The following C21orf91 variants were observed in gnomAD, a reference collection of about 807,000 sequenced individuals.
The protein encoded by C21orf91 is protein EURL homolog.
In C21orf91, 26 loss-of-function variants were observed where a neutral mutation model predicts 32.9. The observed-to-expected ratio is 0.79, with a 90% confidence interval of 0.58 to 1.10. The LOEUF is 1.10. Ranked by LOEUF, C21orf91 falls within the 50% of genes least tolerant of loss-of-function variation. The pLI is 0.00. For missense variants in C21orf91, 310 were observed against 341.3 expected (o/e 0.91, Z 0.72); for synonymous variants, 126 against 120.4 (o/e 1.05, Z -0.31).
chr21:17,815,705 G>T lies in C21orf91; in HGVS notation c.127+2487C>A, dbSNP rs1322765405. Among the ~76,000 whole-genome samples the T allele has an allele frequency of 4.6e-5, 7 of 151,742 alleles. No individual in the cohort carries two copies. In the East Asian group the frequency reaches 1.4e-3, roughly 29 times the overall value. Reference sequence around the variant, plus strand: ...GACAGAGTTTTGCTCTTGATGCCCAGGATGGAGTGCGATGGCACAATCTCA... The same window carrying T: ...GACAGAGTTTTGCTCTTGATGCCCATGATGGAGTGCGATGGCACAATCTCA... On this transcript the variant is annotated intron_variant, in intron 2 of 4. Coordinates refer to ENST00000284881, the MANE Select transcript of C21orf91 (RefSeq NM_001100420.2).
chr21:17,811,665 T>G (rs1458386369), intron 2 of C21orf91, among the ~76,000 whole-genome samples: 2 of 152,214 alleles, frequency 1.3e-5, no homozygotes, highest in African/African-American at 2.4e-5. Flanking sequence ...AGTAGAGACT[T>G]TCAATCTAGA....
Position 17,793,364 on chromosome 21 carries a change from A to G in C21orf91, c.*51T>C, listed in dbSNP as rs1208959990. The G allele has an allele frequency of 7.3e-7, 1 of 1,375,674 alleles. No homozygotes were observed. The highest frequency in any genetic ancestry group is 1.4e-5 in the African/African-American group (1 of 69,126). The allele number at this position is 1,375,674 out of a possible 1,614,324, so 85.2% of individuals were successfully genotyped here. A position where few individuals can be genotyped will look rare whatever the true frequency, so the allele number is the denominator to read the frequency against. Reference sequence around the variant, plus strand: ...TTCTTCAAACTTCTTCAAAGTTTGCATGTCTGGGAGACCAATAAAGGGCAG... The same window carrying G: ...TTCTTCAAACTTCTTCAAAGTTTGCGTGTCTGGGAGACCAATAAAGGGCAG... On this transcript the variant is annotated 3_prime_UTR_variant, in exon 5 of 5. Coordinates refer to ENST00000284881, the MANE Select transcript of C21orf91 (RefSeq NM_001100420.2).
chr21:17,804,801 T>A (rs1170085422), intron 2 of C21orf91, among the ~76,000 whole-genome samples: 1 of 152,202 alleles, frequency 6.6e-6, no homozygotes, highest in East Asian at 1.9e-4. Flanking sequence ...GAGACAATGA[T>A]AAACCTCACC....
chr21:17,800,664 A>T (rs1477104191), intron 2 of C21orf91, among the ~76,000 whole-genome samples: 1 of 152,230 alleles, frequency 6.6e-6, no homozygotes, highest in Admixed American at 6.5e-5. Flanking sequence ...ACTTTTGAGG[A>T]GCTGAGTTAT....
chr21:17,816,570 A>G (rs2062666083), intron 2 of C21orf91, among the ~76,000 whole-genome samples: 1 of 152,272 alleles, frequency 6.6e-6, no homozygotes. Flanking sequence ...GCCAGGCTTT[A>G]AAGTCCAGGA....
intron 1 of C21orf91, 68 bp from the exon 2 acceptor site, chr21:17,818,393 T>A (rs938999106): frequency 2.2e-5 from 29 of 1,304,970 alleles, no homozygotes; most frequent in Non-Finnish European, 3.0e-5. Context: ...TTCCCTTTAC[T>A]GGGAACTTCT....
chr21:17,800,049 C>A (rs898466793), intron 2 of C21orf91, among the ~76,000 whole-genome samples: 1 of 152,000 alleles, frequency 6.6e-6, no homozygotes, highest in African/African-American at 2.4e-5. Context: ...GGCACTGATA[C>A]AGAAATGGCA....
In C21orf91 at chr21:17,802,136, T is replaced by G. The variant is rs192788125; in HGVS notation, c.128-5018A>C. 1.4e-4 allele frequency among the ~76,000 whole-genome samples: 21 copies of G among 152,344 alleles called. No homozygotes were observed. In the East Asian group the frequency reaches 2.1e-3, roughly 15 times the overall value. On this transcript the variant is annotated intron_variant, in intron 2 of 4. Transcript: ENST00000284881. The stretch of plus-strand genomic sequence containing the variant: ...AAAAGTGCAAAGACTACTCAAATGT[T>G]TAGATGTTTAGCTCTAGTTGCCATC...
chr21:17,795,831 C>G (rs769882363), intron 3 of C21orf91, among the ~76,000 whole-genome samples: 3 of 152,086 alleles, frequency 2.0e-5, no homozygotes, highest in Non-Finnish European at 4.4e-5. Flanking sequence ...ATAAAAGTTT[C>G]ACCAAAAAAT....
Position 17,792,779 on chromosome 21 carries a change from G to C in C21orf91, c.*636C>G. On this transcript the variant is annotated 3_prime_UTR_variant, in exon 5 of 5. Coordinates refer to ENST00000284881, the MANE Select transcript of C21orf91 (RefSeq NM_001100420.2). ...GTTATTAATTCTTCTTTTACAAGAG[G>C]TATTAGAAATTAAAACAACTCAGAT... The C allele has an allele frequency of 6.6e-6, 1 of 152,436 alleles. No individual in the cohort carries two copies. The highest frequency in any genetic ancestry group is 1.9e-4 in the East Asian group (1 of 5,192). 9.4% of individuals were successfully genotyped at this position (152,436 alleles called of 1,614,324 possible).
intron 2 of C21orf91, among the ~76,000 whole-genome samples, chr21:17,801,202 A>G (rs1368968551): frequency 6.6e-6 from 1 of 152,144 alleles, no homozygotes. Flanking sequence ...CATATACACC[A>G]TGGAATATTA....
At chr21:17,801,435 T>TA (rs1048523669) in intron 2 of C21orf91, among the ~76,000 whole-genome samples, 11 of 152,030 alleles carry the variant, frequency 7.2e-5, no homozygotes, top group Admixed American at 2.0e-4. Context: ...CACGCCTGGC[T>TA]AAGTTTTTGT....
At position 17,793,354 on chromosome 21, in the gene C21orf91, C is replaced by T; in HGVS notation, c.*61G>A. 7.7e-7 allele frequency: 1 copy of T among 1,306,876 alleles called. No individual in the cohort carries two copies. Among genetic ancestry groups the T allele is most frequent in the Non-Finnish European group, 1.0e-6 (1 of 970,126 alleles). 81.0% of individuals were successfully genotyped at this position (1,306,876 alleles called of 1,614,324 possible). A position where few individuals can be genotyped will look rare whatever the true frequency, so the allele number is the denominator to read the frequency against. On this transcript the variant is annotated 3_prime_UTR_variant, in exon 5 of 5. Transcript: ENST00000284881. Reference sequence around the variant, plus strand: ...GACCACAACTTTCTTCAAACTTCTTCAAAGTTTGCATGTCTGGGAGACCAA... The same window carrying T: ...GACCACAACTTTCTTCAAACTTCTTTAAAGTTTGCATGTCTGGGAGACCAA...
rs764807830 is a variant in C21orf91 at position 17,796,755 on chromosome 21, T to C, written c.491A>G (p.Gln164Arg). Residue 164 changes from glutamine (Q) to arginine (R), a missense_variant, in exon 3 of 5, where the codon CAG becomes CGG. By Grantham distance (43) the Gln-to-Arg change is conservative (BLOSUM62 1). Coordinates refer to ENST00000284881, the MANE Select transcript of C21orf91 (RefSeq NM_001100420.2). ...AAGTCCAAAGTCTGTATTTTCCCTC[T>C]GCTCCAAAATTCTTTGTGTACAGTT... ...ISNCTQRILE[Q>R]RENTDFGLSM... The C allele has an allele frequency of 3.7e-6, 6 of 1,614,056 alleles. No homozygotes were observed. The highest frequency in any genetic ancestry group is 3.3e-5 in the Admixed American group (2 of 60,002).
At chr21:17,795,863 T>G (rs995425722) in intron 3 of C21orf91, among the ~76,000 whole-genome samples, 1 of 152,218 alleles carries the variant, frequency 6.6e-6, no homozygotes, top group African/African-American at 2.4e-5. Context: ...CAATGAATTC[T>G]GGTATCTCCT....
At chr21:17,796,450 G>T in intron 3 of C21orf91, 132 bp downstream of exon 3, 1 of 690,964 alleles carries the variant, frequency 1.4e-6, no homozygotes, top group Non-Finnish European at 2.5e-6. Context: ...TTTTTGCTAA[G>T]GTGAACCTGT....
At chr21:17,796,504 T>C (rs2062518837) in intron 3 of C21orf91, 78 bp downstream of exon 3, 2 of 1,056,800 alleles carry the variant, frequency 1.9e-6, no homozygotes, top group Non-Finnish European at 1.4e-6. Context: ...AGCAAAATTC[T>C]TGACCCATTA....
At chr21:17,797,616 TAA>T (rs758611303) in intron 2 of C21orf91, among the ~76,000 whole-genome samples, 1 of 149,552 alleles carries the variant, frequency 6.7e-6, no homozygotes, top group African/African-American at 2.4e-5. Context: ...AAAATGCAAA[TAA>T]AAGTCAAAAA....
rs371978426 is a variant in C21orf91, at chr21:17,818,282, T to C, written c.37A>G (p.Asn13Asp). The change falls in exon 2 of 5, where the codon AAT (asparagine) becomes GAT (aspartate). Residue 13 changes from asparagine to aspartate, a missense_variant. Physicochemically the swap from Asn to Asp is conservative, Grantham distance 23. Coordinates refer to ENST00000284881, the MANE Select transcript of C21orf91 (RefSeq NM_001100420.2). ...CAAACACTGCAAATGTTGTCATCATTCAAATCAATGTTTACAAACTGCTCC... is the reference window on the plus strand; with the variant it reads ...CAAACACTGCAAATGTTGTCATCATCCAAATCAATGTTTACAAACTGCTCC... ...EEEQFVNIDL[N>D]DDNICSVCKL... 3.7e-6 allele frequency: 6 copies of C among 1,612,458 alleles called. No individual in the cohort carries two copies. Among genetic ancestry groups the C allele is most frequent in the Non-Finnish European group, 5.1e-6 (6 of 1,178,812 alleles).
Sources: gnomAD v4.1 joint callset for allele counts (sites outside exome capture counted in the v4.1 genomes callset) on GRCh38, gnomAD v4.1.1 for gene constraint, MANE v1.5 for transcripts, NCBI Gene and HGNC (gene_info 2026-07-23, HGNC 2026-07-21) for gene names.